The following STK3 variants were observed in gnomAD, a reference collection of about 807,000 sequenced individuals.
STK3 encodes serine/threonine-protein kinase 3.
Under a neutral mutation model 58.0 loss-of-function variants are expected in STK3, and 41 were observed. The observed-to-expected ratio is 0.71, with a 90% CI of 0.55 to 0.92. The LOEUF (loss-of-function observed/expected upper bound fraction) is 0.92, where lower values mean the gene tolerates loss of function less well. Ranked by LOEUF, STK3 falls within the 40% of genes least tolerant of loss-of-function variation. The probability of loss-of-function intolerance (pLI) is 0.00; values close to 1 mark genes in which losing one functional copy is unlikely to be tolerated. For missense variants in STK3, 479 were observed against 602.7 expected, an observed-to-expected ratio of 0.79 and a Z score of 2.15; for synonymous variants, 170 against 191.0, an observed-to-expected ratio of 0.89 and a Z score of 0.91.
chr8:98,941,018 T>C (rs1235043272), intron 1 of STK3, among the ~76,000 whole-genome samples: 3 of 152,178 alleles, frequency 2.0e-5, no homozygotes, highest in African/African-American at 7.2e-5. Context: ...AGGGAGCCGC[T>C]GGGCCGGCGG....
intron 3 of STK3, among the ~76,000 whole-genome samples, chr8:98,864,072 G>A (rs1284436985): frequency 1.3e-5 from 2 of 151,774 alleles, no homozygotes; most frequent in African/African-American, 4.8e-5. Context: ...GGTGGCGGGT[G>A]CCTGTAGTCC....
intron 6 of STK3, among the ~76,000 whole-genome samples, chr8:98,649,219 G>GT (rs564799985): frequency 1.8e-3 from 268 of 151,550 alleles, no homozygotes; most frequent in Admixed American, 3.0e-3. Flanking sequence ...CTAATTTGTA[G>GT]TTTTTTTTAA....
rs765702013 is a variant in STK3, at chr8:98,428,684, T to G, written n.483+5443A>C. ...TCGAAATCGTGGAGCACTTTGGCATTGCCTGGTTCACATTTGAGCTGGTGG... is the reference window on the plus strand; with the variant it reads ...TCGAAATCGTGGAGCACTTTGGCATGGCCTGGTTCACATTTGAGCTGGTGG... On this transcript the variant is annotated intron_variant and non_coding_transcript_variant, in intron 3 of 3. Coordinates refer to the STK3 transcript ENST00000517832. This position sits in a 1 kb window ranked among gnomAD's most constrained non-coding sequence, Gnocchi z 6.7. 6.2e-7 allele frequency: 1 copy of G among 1,614,100 alleles called. No homozygotes were observed. Among genetic ancestry groups the G allele is most frequent in the African/African-American group, 1.3e-5 (1 of 74,940 alleles).
In STK3 at chr8:98,749,327, C is replaced by T. The variant is rs1303539437; in HGVS notation, c.300G>A (p.Glu100=). ...CTGAGACAGAGCCAGCGCCACAGTA[C>T]TCCATAACAATCCAGAGGTCTGTAT... ...FKNTDLWIVM[E]YCGAGSVSDI... Residue 100 remains glutamate, a synonymous_variant, in exon 4 of 11, where the codon GAG becomes GAA. Coordinates refer to ENST00000419617, the MANE Select transcript of STK3 (RefSeq NM_006281.4). 3.7e-6 allele frequency: 6 copies of T among 1,609,688 alleles called. No homozygotes were observed. The highest frequency in any genetic ancestry group is 1.1e-5 in the South Asian group (1 of 90,308).
intron 4 of STK3, among the ~76,000 whole-genome samples, chr8:98,746,619 A>G (rs1829658555): frequency 6.6e-6 from 1 of 152,118 alleles, no homozygotes; most frequent in Non-Finnish European, 1.5e-5. Context: ...TCTCAAAAAT[A>G]AAAATAAAAA....
At chr8:98,381,159 C>T (rs139307848) in intron 1 of STK3, among the ~76,000 whole-genome samples, 4,732 of 151,826 alleles carry the variant, frequency 0.031, 342 homozygotes, top group East Asian at 0.16. Context: ...TTAGTAGAGA[C>T]GGGGTTTCAC....
chr8:98,688,014 T>C (rs1375798988), intron 6 of STK3, among the ~76,000 whole-genome samples: 1 of 152,152 alleles, frequency 6.6e-6, no homozygotes, highest in Non-Finnish European at 1.5e-5. Flanking sequence ...AAATCCCTCT[T>C]TCTCTTATCT....
At chr8:98,850,482 G>A (rs1022399131) in intron 3 of STK3, among the ~76,000 whole-genome samples, 1 of 152,204 alleles carries the variant, frequency 6.6e-6, no homozygotes, top group South Asian at 2.1e-4. Flanking sequence ...GTAAGCTCAT[G>A]GGGCTTACAA....
intron 6 of STK3, among the ~76,000 whole-genome samples, chr8:98,674,699 T>C (rs1823070529): frequency 6.6e-6 from 1 of 152,172 alleles, no homozygotes; most frequent in African/African-American, 2.4e-5. Flanking sequence ...TAGGAGAGAC[T>C]ATGAGGTACT....
downstream of STK3, chr8:98,881,276 A>G (rs1837781979): frequency 6.6e-6 from 1 of 152,196 alleles, no homozygotes; most frequent in African/African-American, 2.4e-5. Context: ...CCAACCCCAA[A>G]AGGCTACATA....
intron 8 of STK3, among the ~76,000 whole-genome samples, chr8:98,571,785 A>G (rs1046741289): frequency 6.6e-6 from 1 of 152,228 alleles, no homozygotes; most frequent in Non-Finnish European, 1.5e-5. Flanking sequence ...CAAGCTTAAC[A>G]TCAAAAAGTA....
At chr8:98,655,947 A>G (rs1587187669) in intron 6 of STK3, among the ~76,000 whole-genome samples, 1 of 152,216 alleles carries the variant, frequency 6.6e-6, no homozygotes. Context: ...AGGGATCTAG[A>G]ACTAGAAATA....
chr8:98,665,949 T>C (rs1306399192), intron 6 of STK3, among the ~76,000 whole-genome samples: 1 of 152,200 alleles, frequency 6.6e-6, no homozygotes, highest in African/African-American at 2.4e-5. Flanking sequence ...GTGATCCACC[T>C]GCCTCAGCCT....
In STK3 at chr8:98,897,309, G is replaced by A. The variant is rs552535589; in HGVS notation, c.-78-13475C>T. Among the ~76,000 whole-genome samples, 5 of 152,266 alleles carry A rather than the reference G, an allele frequency of 3.3e-5. No individual in the cohort carries two copies. The South Asian group carries it at 8.3e-4, about 25-fold the overall frequency. On this transcript the variant is annotated intron_variant, in intron 1 of 1. Transcript: ENST00000519420. ...GTGGGGGCTCACGCCTGTAATCCTA[G>A]CACTTTGGGAGGTGGAGGCGGGCGG...
At chr8:98,782,156 G>T in intron 1 of STK3, 1 of 224,534 alleles carries the variant, frequency 4.5e-6, no homozygotes, top group South Asian at 7.5e-5. Context: ...ACTCCTGTCA[G>T]CAGATCCAGA....
At chr8:98,406,332 C>T (rs1477701296) in intron 3 of STK3, among the ~76,000 whole-genome samples, 3 of 151,608 alleles carry the variant, frequency 2.0e-5, no homozygotes, top group African/African-American at 4.9e-5. Flanking sequence ...AGGGGGTACA[C>T]GTGCCGGTGT....
At chr8:98,886,619 C>A (rs564986134) in intron 1 of STK3, among the ~76,000 whole-genome samples, 1 of 152,098 alleles carries the variant, frequency 6.6e-6, no homozygotes, top group Admixed American at 6.5e-5. Flanking sequence ...ATTTCAACAT[C>A]GTTATACTAC....
In STK3 at chr8:98,663,366, A is replaced by G. The variant is rs1450392189; in HGVS notation, c.684+43101T>C. Among the ~76,000 whole-genome samples the G allele has an allele frequency of 4.6e-5, 7 of 152,276 alleles. No individual in the cohort carries two copies. The South Asian group carries it at 1.5e-3, about 32-fold the overall frequency. On this transcript the variant is annotated intron_variant, in intron 6 of 10. Coordinates refer to ENST00000419617, the MANE Select transcript of STK3 (RefSeq NM_006281.4). ...GAATGGCAATCATTAAAAAGTCAGGAAACAACAGGTGCTAGAGAGGATGTG... is the reference window on the plus strand; with the variant it reads ...GAATGGCAATCATTAAAAAGTCAGGGAACAACAGGTGCTAGAGAGGATGTG...
At chr8:98,511,207 C>T (rs963573422) in intron 10 of STK3, among the ~76,000 whole-genome samples, 2 of 151,698 alleles carry the variant, frequency 1.3e-5, no homozygotes, top group African/African-American at 4.8e-5. Context: ...TCTATTGAGA[C>T]AAATGCTTAT....
Sources: allele counts gnomAD v4.1 joint callset (sites outside exome capture counted in the v4.1 genomes callset), GRCh38; gene constraint gnomAD v4.1.1; non-coding constraint Gnocchi (gnomAD v3.1); transcripts MANE v1.5; gene names NCBI Gene and HGNC (gene_info 2026-07-23, HGNC 2026-07-21).